Variants in NODAL observed in about 807,000 individuals in gnomAD.
NODAL encodes nodal growth differentiation factor, also known as nodal homolog.
NODAL carries 12 observed loss-of-function variants against 34.0 expected under a neutral mutation model. The ratio of observed to expected loss-of-function variants is 0.35; its 90% CI spans 0.23 to 0.57. The LOEUF (loss-of-function observed/expected upper bound fraction) is 0.57. Among genes scored for constraint, NODAL ranks in the 20% least tolerant of loss-of-function variants. The pLI is 0.83. For synonymous variants in NODAL, 162 were observed against 186.4 expected (o/e 0.87, Z 1.07); for missense variants, 390 against 444.2 (o/e 0.88, Z 1.10).
chr10:70,432,691 G>C lies in NODAL; in HGVS notation c.*245C>G, dbSNP rs535102533. 7.3e-6 allele frequency: 4 copies of C among 549,968 alleles called. No individual in the cohort carries two copies. Among genetic ancestry groups the C allele is most frequent in the Non-Finnish European group, 9.8e-6 (3 of 306,368 alleles). 34.1% of individuals were successfully genotyped at this position (549,968 alleles called of 1,614,324 possible). On this transcript the variant is annotated 3_prime_UTR_variant, in exon 3 of 3. Transcript: ENST00000287139. ...CTTGCCACTGTCTTTTCAGTAAAGA[G>C]AACATCCAGCCAGCCCCCTGCACAG...
In NODAL at chr10:70,435,606, T is replaced by C. The variant is rs1260007780; in HGVS notation, c.571A>G (p.Asn191Asp). 1.2e-6 allele frequency: 2 copies of C among 1,613,948 alleles called. No homozygotes were observed. Among genetic ancestry groups the C allele is most frequent in the Non-Finnish European group, 1.7e-6 (2 of 1,179,934 alleles). Residue 191 changes from asparagine to aspartate, a missense_variant, in exon 2 of 3, where the codon AAT (asparagine) becomes GAT (aspartate). By Grantham distance (23) the Asn-to-Asp change is conservative. Transcript: ENST00000287139. ...WPRPPTPPAT[N>D]VLLMLYSNLS... is the part of the protein sequence containing the mutation. ...TTGGAGTAGAGCATAAGGAGCACAT[T>C]GGTGGCAGGCGGTGTGGGGGGCCGC...
intron 2 of NODAL, 109 bp downstream of exon 2, chr10:70,435,177 G>C: frequency 1.0e-6 from 1 of 971,738 alleles, no homozygotes; most frequent in Admixed American, 2.1e-5. Context: ...CATTGGAGGT[G>C]CTTGAGTAAC....
rs1191133650 is a variant in NODAL at position 70,441,527 on chromosome 10, G to C, written c.141C>G (p.Leu47=). Residue 47 remains leucine, a synonymous_variant, in exon 1 of 3, where the codon CTC becomes CTG. Coordinates refer to ENST00000287139, the MANE Select transcript of NODAL (RefSeq NM_018055.5). ...SPSPLAYMLS[L]YRDPLPRADI... is the part of the protein sequence containing the mutation. ...CTGCCCTCGGCAGCGGGTCGCGGTA[G>C]AGGCTCAGCATGTACGCCAGAGGGG... The C allele has an allele frequency of 1.3e-6, 2 of 1,595,632 alleles. No homozygotes were observed. Among genetic ancestry groups the C allele is most frequent in the South Asian group, 2.3e-5 (2 of 88,314 alleles).
chr10:70,441,624 G>A lies in NODAL; in HGVS notation c.44C>T (p.Ala15Val). 6.4e-7 allele frequency: 1 copy of A among 1,552,384 alleles called. No homozygotes were observed. The highest frequency in any genetic ancestry group is 8.7e-7 in the Non-Finnish European group (1 of 1,148,714). The change falls in exon 1 of 3, where the codon GCC (alanine) becomes GTC (valine). Residue 15 changes from alanine to valine, a missense_variant. Physicochemically the swap from Ala to Val is moderately conservative, Grantham distance 64 (BLOSUM62 0). Coordinates refer to ENST00000287139, the MANE Select transcript of NODAL (RefSeq NM_018055.5). ...CLPFLLHAWW[A>V]LLQAGAATVA... ...CGTCGCAGCACCCGCCTGGAGTAGGGCCCACCAGGCGTGCAGAAGGAAGGG... is the reference window on the plus strand; with the variant it reads ...CGTCGCAGCACCCGCCTGGAGTAGGACCCACCAGGCGTGCAGAAGGAAGGG...
upstream of NODAL, among the ~76,000 whole-genome samples, chr10:70,444,536 G>T (rs181000531): frequency 6.3e-4 from 96 of 151,680 alleles, no homozygotes; most frequent in African/African-American, 2.2e-3. Context: ...AGAGACAGGA[G>T]TTTCACCATC....
In NODAL at chr10:70,435,608, G is replaced by T. The variant is rs772552336; in HGVS notation, c.569C>A (p.Thr190Asn). Reference protein sequence around the residue: ...CWPRPPTPPATNVLLMLYSNL... With the variant: ...CWPRPPTPPANNVLLMLYSNL... ...GGAGTAGAGCATAAGGAGCACATTG[G>T]TGGCAGGCGGTGTGGGGGGCCGCGG... The change falls in exon 2 of 3, where the codon ACC becomes AAC. Residue 190 changes from threonine to asparagine, a missense_variant. Transcript: ENST00000287139. The T allele has an allele frequency of 6.2e-7, 1 of 1,613,992 alleles. No homozygotes were observed. Among genetic ancestry groups the T allele is most frequent in the African/African-American group, 1.3e-5 (1 of 75,036 alleles).
rs767425070 is a variant in NODAL at position 70,435,882 on chromosome 10, T to C, written c.295A>G (p.Ser99Gly). 35 of 1,614,040 alleles carry C rather than the reference T, an allele frequency of 2.2e-5. No individual in the cohort carries two copies. Among genetic ancestry groups the C allele is most frequent in the Non-Finnish European group, 2.8e-5 (33 of 1,180,032 alleles). Residue 99 changes from serine to glycine, a missense_variant, in exon 2 of 3, where the codon AGC becomes GGC. Ser to Gly is a moderately conservative substitution (Grantham distance 56). Transcript: ENST00000287139. ...CCCTCAGTGGGGAGGTCCACAGGGC[T>C]GGACAGCTGCAGCCGGAGCTCAGCC... ...AWAELRLQLS[S>G]PVDLPTEGSL... is the part of the protein sequence containing the mutation.
intron 1 of NODAL, among the ~76,000 whole-genome samples, chr10:70,447,089 T>C (rs1845496290): frequency 6.6e-6 from 1 of 151,048 alleles, no homozygotes; most frequent in Non-Finnish European, 1.5e-5. Context: ...TTTTTTTTTT[T>C]TTTGAGATGG....
intron 1 of NODAL, among the ~76,000 whole-genome samples, chr10:70,439,779 T>TA (rs917676475): frequency 5.3e-5 from 8 of 152,196 alleles, no homozygotes; most frequent in African/African-American, 1.9e-4. Flanking sequence ...CGCTGTACAC[T>TA]AAAAAACAGT....
chr10:70,436,793 C>T (rs770821770), intron 1 of NODAL, among the ~76,000 whole-genome samples: 11 of 152,136 alleles, frequency 7.2e-5, no homozygotes, highest in Non-Finnish European at 7.3e-5. Context: ...TGTCCCAGGT[C>T]ATTCACACAC....
At chr10:70,441,713 C>G (rs1368692231), upstream of NODAL, 1 of 1,540,364 alleles carries the variant, frequency 6.5e-7, no homozygotes, top group Non-Finnish European at 8.8e-7. Context: ...CCCTTATATC[C>G]TGGGCCTCAG....
At chr10:70,437,118 G>C (rs184866149) in intron 1 of NODAL, among the ~76,000 whole-genome samples, 1 of 152,290 alleles carries the variant, frequency 6.6e-6, no homozygotes, top group East Asian at 1.9e-4. Context: ...CTGATGTCTG[G>C]GAATAGCACA....
At chr10:70,436,999 G>A (rs906024493) in intron 1 of NODAL, among the ~76,000 whole-genome samples, 1 of 152,108 alleles carries the variant, frequency 6.6e-6, no homozygotes, top group African/African-American at 2.4e-5. Context: ...TCACCCAGAA[G>A]ACACACACAC....
chr10:70,444,105 G>A (rs1845462573), upstream of NODAL, among the ~76,000 whole-genome samples: 1 of 151,724 alleles, frequency 6.6e-6, no homozygotes, highest in African/African-American at 2.4e-5. Context: ...GCTAAAATTT[G>A]TATTTTTATT....
Position 70,432,990 on chromosome 10 carries a change from T to G in NODAL, c.990A>C (p.Arg330Ser), listed in dbSNP as rs1338850636. The change falls in exon 3 of 3, where the codon AGA (arginine) becomes AGC (serine). Residue 330 changes from arginine to serine, a missense_variant. Transcript: ENST00000287139. ...PLSMLYVDNG[R>S]VLLDHHKDMI... ...TGTCTTTATGGTGATCTAGGAGCAC[T>G]CTGCCATTATCCACATACAGCATGC... 1 of 1,614,134 alleles carries G rather than the reference T, an allele frequency of 6.2e-7. No individual in the cohort carries two copies. The highest frequency in any genetic ancestry group is 1.3e-5 in the African/African-American group (1 of 75,030).
chr10:70,438,012 AGGTGC>A (rs1170234037), intron 1 of NODAL, among the ~76,000 whole-genome samples: 1 of 152,050 alleles, frequency 6.6e-6, no homozygotes, highest in Admixed American at 6.6e-5. Flanking sequence ...TATCTTGGCC[AGGTGC>A]GGTGGGTCAC....
chr10:70,441,320 G>A (rs952130428), intron 1 of NODAL, among the ~76,000 whole-genome samples, 155 bp downstream of exon 1: 18 of 152,248 alleles, frequency 1.2e-4, no homozygotes, highest in Non-Finnish European at 2.5e-4. Flanking sequence ...GGAGACACCC[G>A]CAGAGCTAGG....
chr10:70,438,621 C>G (rs1421939437), intron 1 of NODAL, among the ~76,000 whole-genome samples: 3 of 152,174 alleles, frequency 2.0e-5, no homozygotes, highest in South Asian at 4.1e-4. Flanking sequence ...ATGAAGGTGT[C>G]CGGACAGGCC....
At chr10:70,444,893 C>T (rs1161036848), upstream of NODAL, among the ~76,000 whole-genome samples, 1 of 152,264 alleles carries the variant, frequency 6.6e-6, no homozygotes, top group African/African-American at 2.4e-5. Flanking sequence ...CAGCCTCAGC[C>T]CTCTGTGTCA....
Sources: gnomAD v4.1 joint callset for allele counts (sites outside exome capture counted in the v4.1 genomes callset) on GRCh38, gnomAD v4.1.1 for gene constraint, MANE v1.5 for transcripts, NCBI Gene and HGNC (gene_info 2026-07-23, HGNC 2026-07-21) for gene names.